ALK: variants seen among roughly 807,000 people sequenced by gnomAD.
The protein encoded by ALK is ALK receptor tyrosine kinase.
In ALK, 74 loss-of-function variants were observed where a neutral mutation model predicts 163.1. The observed-to-expected ratio is 0.45, with a 90% CI of 0.38 to 0.55. The LOEUF is 0.55. Among genes scored for constraint, ALK ranks in the 20% least tolerant of loss-of-function variants. ALK has a pLI of 0.00. For synonymous variants in ALK, 960 were observed against 843.2 expected (o/e 1.14, Z -2.40); for missense variants, 2,063 against 2,105.3 (o/e 0.98, Z 0.39).
chr2:29,428,164 C>T (rs11685486), intron 4 of ALK, among the ~76,000 whole-genome samples: 18,625 of 151,836 alleles, frequency 0.12, 1,552 homozygotes, highest in East Asian at 0.31. Context: ...TAAATGTCTA[C>T]GTTAAAAAAG....
chr2:29,365,167 C>T (rs974260471), intron 5 of ALK, among the ~76,000 whole-genome samples: 5 of 152,176 alleles, frequency 3.3e-5, no homozygotes, highest in Non-Finnish European at 5.9e-5. Context: ...TGTGTGTTGG[C>T]TGAAGCAAGA....
In ALK at chr2:29,227,010, G is replaced by A. The variant is rs761999849; in HGVS notation, c.2979C>T (p.Asp993=). ...HYLNCSHCEV[D]ECHMDPESHK... ...GGCTTTCAGGGTCCATGTGACATTCGTCTACCTCACAGTGACTGCAGTTTA... is the reference window on the plus strand; with the variant it reads ...GGCTTTCAGGGTCCATGTGACATTCATCTACCTCACAGTGACTGCAGTTTA... The change falls in exon 18 of 29, where the codon GAC becomes GAT. Residue 993 remains aspartate (D), a synonymous_variant. Transcript: ENST00000389048. This position sits in a 1 kb window ranked among gnomAD's most constrained non-coding sequence, Gnocchi z 4.4. 1.1e-5 allele frequency: 17 copies of A among 1,613,990 alleles called. No individual in the cohort carries two copies. The highest frequency in any genetic ancestry group is 1.6e-4 in the Middle Eastern group (1 of 6,084).
At chr2:29,261,350 T>A (rs1461285128) in intron 11 of ALK, among the ~76,000 whole-genome samples, 1 of 152,046 alleles carries the variant, frequency 6.6e-6, no homozygotes, top group Admixed American at 6.6e-5. Flanking sequence ...AGTTTTGATA[T>A]ATGGGTGTTC....
chr2:29,729,699 A>T (rs913129274), intron 1 of ALK, among the ~76,000 whole-genome samples: 1 of 152,188 alleles, frequency 6.6e-6, no homozygotes, highest in Non-Finnish European at 1.5e-5. Context: ...AGAGGCAGTA[A>T]TTTGGAGCTG....
At chr2:29,827,132 A>G (rs545455668) in intron 1 of ALK, among the ~76,000 whole-genome samples, 1 of 152,356 alleles carries the variant, frequency 6.6e-6, no homozygotes, top group African/African-American at 2.4e-5. Flanking sequence ...AAGAGAGCTT[A>G]AAGACATCAA....
intron 5 of ALK, among the ~76,000 whole-genome samples, chr2:29,333,831 C>G (rs114132969): frequency 6.6e-6 from 1 of 152,056 alleles, no homozygotes; most frequent in African/African-American, 2.4e-5. Flanking sequence ...AGGCTGGTCT[C>G]GAATTCCTGA....
rs764918016 is a variant in ALK, at chr2:29,830,712, TTAAAAAAAAAAA to T, written c.667+89269_667+89280del. On this transcript the variant is annotated intron_variant, in intron 1 of 28. Coordinates refer to ENST00000389048, the MANE Select transcript of ALK (RefSeq NM_004304.5). Reference sequence around the variant, plus strand: ...AGCAAGACCCTGTCTCTAAAATAGTTTAAAAAAAAAAAAAAAAAAAAAAAAAAAAAAAAAAAA... The same window carrying T: ...AGCAAGACCCTGTCTCTAAAATAGTTAAAAAAAAAAAAAAAAAAAAAAAAA... 5.5e-3 allele frequency among the ~76,000 whole-genome samples: 351 copies of T among 63,512 alleles called. 34 individuals carry two copies. The highest frequency in any genetic ancestry group is 0.013 in the Middle Eastern group (1 of 78). The allele number at this position is 63,512 out of a possible 152,430, so 41.7% of individuals were successfully genotyped here.
At position 29,717,398 on chromosome 2, in the gene ALK, G is replaced by A. The variant is rs146436225; in HGVS notation, c.787+180C>T. 8.1e-3 allele frequency among the ~76,000 whole-genome samples: 1,227 copies of A among 152,170 alleles called. 15 individuals carry two copies. Among genetic ancestry groups the A allele is most frequent in the South Asian group, 0.044 (212 of 4,806 alleles). On this transcript the variant is annotated intron_variant, in intron 2 of 28. Transcript: ENST00000389048. ...TACAGAATGCAGCTGGAATGGCCTG[G>A]CTGGAATGGTCCACGGGGTTGAGCG...
At chr2:29,640,571 C>T (rs1676673920) in intron 3 of ALK, among the ~76,000 whole-genome samples, 1 of 152,166 alleles carries the variant, frequency 6.6e-6, no homozygotes, top group Non-Finnish European at 1.5e-5. Context: ...GGACAGGCCA[C>T]ATTCCTGTAC....
intron 4 of ALK, among the ~76,000 whole-genome samples, chr2:29,483,454 G>A (rs2148119871): frequency 6.6e-6 from 1 of 152,266 alleles, no homozygotes; most frequent in Non-Finnish European, 1.5e-5. Flanking sequence ...TCTCCTGGGA[G>A]CTTTTTAGAA....
rs542291027 is a variant in ALK at position 29,543,713 on chromosome 2, A to G, written c.953-11597T>C. Among the ~76,000 whole-genome samples the G allele has an allele frequency of 2.1e-4, 32 of 152,282 alleles. No individual in the cohort carries two copies. The South Asian group carries it at 6.4e-3, about 31-fold the overall frequency. Reference sequence around the variant, plus strand: ...TCTCAGCAGATAGGACACCTCCTCTATTCTAAACCTTTTTGGCACATTCTG... The same window carrying G: ...TCTCAGCAGATAGGACACCTCCTCTGTTCTAAACCTTTTTGGCACATTCTG... On this transcript the variant is annotated intron_variant, in intron 3 of 28. Transcript: ENST00000389048.
At chr2:29,278,391 G>A (rs1665598655) in intron 9 of ALK, among the ~76,000 whole-genome samples, 1 of 152,194 alleles carries the variant, frequency 6.6e-6, no homozygotes, top group Non-Finnish European at 1.5e-5. Flanking sequence ...CCTCTTAGAG[G>A]ATAATTGTGA....
chr2:29,244,296 G>T (rs1664596502), intron 12 of ALK, among the ~76,000 whole-genome samples: 1 of 152,220 alleles, frequency 6.6e-6, no homozygotes, highest in Admixed American at 6.5e-5. Flanking sequence ...TGTGAAATCA[G>T]GATGGTGAGG....
intron 1 of ALK, among the ~76,000 whole-genome samples, chr2:29,847,923 G>C (rs1572432910): frequency 1.3e-5 from 2 of 152,192 alleles, no homozygotes; most frequent in East Asian, 3.9e-4. Context: ...AAGCAGAGAT[G>C]GGAAAGAGTC....
intron 9 of ALK, among the ~76,000 whole-genome samples, chr2:29,290,485 A>G (rs75146208): frequency 0.052 from 7,874 of 152,280 alleles, 278 homozygotes; most frequent in Non-Finnish European, 0.074. Context: ...GAGCAGTTAC[A>G]GATGAAAATG....
chr2:29,398,330 T>A (rs899057066), intron 4 of ALK, among the ~76,000 whole-genome samples: 3 of 152,240 alleles, frequency 2.0e-5, no homozygotes, highest in Non-Finnish European at 4.4e-5. Context: ...TCCCAGTTTT[T>A]GGCTGGTTCA....
At chr2:29,639,111 T>C (rs1159838989) in intron 3 of ALK, among the ~76,000 whole-genome samples, 2 of 152,186 alleles carry the variant, frequency 1.3e-5, no homozygotes, top group Non-Finnish European at 2.9e-5. Context: ...GAAGACCTCA[T>C]GCCAGCAGAA....
chr2:29,260,659 A>G (rs1665063426), intron 11 of ALK, among the ~76,000 whole-genome samples: 1 of 152,032 alleles, frequency 6.6e-6, no homozygotes, highest in African/African-American at 2.4e-5. Flanking sequence ...CAACGTGGTA[A>G]AACCGTCTCT....
At chr2:29,919,421 A>T in intron 1 of ALK, among the ~76,000 whole-genome samples, 1 of 142,332 alleles carries the variant, frequency 7.0e-6, no homozygotes, top group African/African-American at 2.6e-5. Context: ...AGTGCATAGC[A>T]GACTGGGTGG....
Sources: allele counts gnomAD v4.1 joint callset (sites outside exome capture counted in the v4.1 genomes callset), GRCh38; gene constraint gnomAD v4.1.1; non-coding constraint Gnocchi (gnomAD v3.1); transcripts MANE v1.5; gene names NCBI Gene and HGNC (gene_info 2026-07-23, HGNC 2026-07-21).